SMARCC1: variants seen among roughly 807,000 people sequenced by gnomAD.
SMARCC1 encodes the protein SWI/SNF related BAF chromatin remodeling complex subunit C1.
In SMARCC1, 43 loss-of-function variants were observed where a neutral mutation model predicts 147.4. The observed-to-expected ratio is 0.29, with a 90% CI of 0.23 to 0.38. The LOEUF is 0.38. Among genes scored for constraint, SMARCC1 ranks in the 10% least tolerant of loss-of-function variants. The pLI is 1.00. For synonymous variants in SMARCC1, 495 were observed against 484.4 expected (o/e 1.02, Z -0.29); for missense variants, 1,119 against 1,381.1 (o/e 0.81, Z 3.01).
intron 1 of SMARCC1, among the ~76,000 whole-genome samples, chr3:47,778,959 G>A (rs1296450040): frequency 6.6e-6 from 1 of 152,088 alleles, no homozygotes; most frequent in Non-Finnish European, 1.5e-5. Context: ...CTGCACTCCA[G>A]CCTGGGCAAC....
At chr3:47,638,283 T>C (rs1256525494) in intron 22 of SMARCC1, among the ~76,000 whole-genome samples, 1 of 152,088 alleles carries the variant, frequency 6.6e-6, no homozygotes, top group Non-Finnish European at 1.5e-5. Context: ...TTAGTAGAGA[T>C]GGGGTTTCAC....
At chr3:47,712,169 T>C (rs1023155663) in intron 8 of SMARCC1, among the ~76,000 whole-genome samples, 3 of 152,048 alleles carry the variant, frequency 2.0e-5, no homozygotes, top group Non-Finnish European at 4.4e-5. Context: ...GAGGCGGAGG[T>C]TGCAGTGAGC....
At chr3:47,755,371 C>T (rs1032176926) in intron 2 of SMARCC1, among the ~76,000 whole-genome samples, 17 of 148,880 alleles carry the variant, frequency 1.1e-4, no homozygotes, top group African/African-American at 4.0e-4. Flanking sequence ...ACGGTGGCAG[C>T]CTGTAGTCCG....
intron 21 of SMARCC1, among the ~76,000 whole-genome samples, chr3:47,647,356 A>G (rs1443564422): frequency 6.6e-6 from 1 of 152,192 alleles, no homozygotes; most frequent in Non-Finnish European, 1.5e-5. Context: ...TACGTTAGCA[A>G]GCTTTGTGTT....
intron 2 of SMARCC1, among the ~76,000 whole-genome samples, chr3:47,747,236 C>A (rs969241321): frequency 6.6e-6 from 1 of 151,690 alleles, no homozygotes. Context: ...GAGTTCAAGA[C>A]CAGCCTGGGC....
intron 15 of SMARCC1, among the ~76,000 whole-genome samples, chr3:47,679,197 G>A (rs566727958): frequency 2.0e-5 from 3 of 149,736 alleles, no homozygotes; most frequent in African/African-American, 4.9e-5. Context: ...CCTGCATGAC[G>A]GAATGACTTT....
At chr3:47,777,363 G>GC (rs2034988100) in intron 1 of SMARCC1, among the ~76,000 whole-genome samples, 1 of 151,728 alleles carries the variant, frequency 6.6e-6, no homozygotes, top group Non-Finnish European at 1.5e-5. Flanking sequence ...GATTACAGGC[G>GC]TGAGACACCA....
At chr3:47,755,864 C>A (rs2034691170) in intron 2 of SMARCC1, among the ~76,000 whole-genome samples, 1 of 151,646 alleles carries the variant, frequency 6.6e-6, no homozygotes, top group East Asian at 1.9e-4. Flanking sequence ...GTGGCAGGCA[C>A]CTGTAATCCC....
At chr3:47,650,500 T>A (rs1380424045) in intron 21 of SMARCC1, among the ~76,000 whole-genome samples, 1 of 151,768 alleles carries the variant, frequency 6.6e-6, no homozygotes, top group East Asian at 1.9e-4. Context: ...CTACCTGTAA[T>A]CCTAGCAAAA....
chr3:47,708,200 A>G lies in SMARCC1; in HGVS notation c.919-1670T>C, dbSNP rs1468744293. ...CTGCAACCTCCACTACCCAAATTCA[A>G]GTGATTACGGATCACTGAAGCCTTA... On this transcript the variant is annotated intron_variant, in intron 9 of 27. Coordinates refer to ENST00000254480, the MANE Select transcript of SMARCC1 (RefSeq NM_003074.4). Among the ~76,000 whole-genome samples, 5 of 141,688 alleles carry G rather than the reference A, an allele frequency of 3.5e-5. No individual in the cohort carries two copies. In the East Asian group the frequency reaches 1.1e-3, roughly 31 times the overall value. 93.0% of individuals were successfully genotyped at this position (141,688 alleles called of 152,430 possible).
intron 12 of SMARCC1, among the ~76,000 whole-genome samples, chr3:47,693,019 A>T (rs1356128373): frequency 1.3e-5 from 2 of 152,114 alleles, no homozygotes; most frequent in African/African-American, 4.8e-5. Context: ...GAAGGAGTGT[A>T]TCAAGCTGGG....
Position 47,767,697 on chromosome 3 carries a change from G to A in SMARCC1, c.315+5120C>T, listed in dbSNP as rs935761111. On this transcript the variant is annotated intron_variant, in intron 2 of 27. Coordinates refer to ENST00000254480, the MANE Select transcript of SMARCC1 (RefSeq NM_003074.4). The stretch of plus-strand genomic sequence containing the variant: ...AGCTTGGCCAACATGGAGAAACCCC[G>A]TCTATACTAAAAATACAAAAATTAG... Among the ~76,000 whole-genome samples, 8 of 149,780 alleles carry A rather than the reference G, an allele frequency of 5.3e-5. No individual in the cohort carries two copies. The East Asian group carries it at 6.2e-4, about 12-fold the overall frequency.
intron 12 of SMARCC1, among the ~76,000 whole-genome samples, chr3:47,690,029 G>A (rs1433982884): frequency 1.3e-5 from 2 of 152,096 alleles, no homozygotes; most frequent in East Asian, 3.8e-4. Context: ...TACTGTGACC[G>A]CTGGCACTAG....
At chr3:47,727,741 G>T (rs151084549) in intron 6 of SMARCC1, among the ~76,000 whole-genome samples, 3 of 149,002 alleles carry the variant, frequency 2.0e-5, no homozygotes, top group Non-Finnish European at 4.5e-5. Context: ...TCAGCCTCCC[G>T]AGTAGCTAGG....
chr3:47,715,563 C>T lies in SMARCC1; in HGVS notation c.717-1073G>A, dbSNP rs922471832. On this transcript the variant is annotated intron_variant, in intron 7 of 27. Transcript: ENST00000254480. Reference sequence around the variant, plus strand: ...GTTTTCCTGCTTCTGCCATTGGTCTCTTGGTCTCTCAAAGAGTTAATTTTT... The same window carrying T: ...GTTTTCCTGCTTCTGCCATTGGTCTTTTGGTCTCTCAAAGAGTTAATTTTT... 8.5e-5 allele frequency among the ~76,000 whole-genome samples: 13 copies of T among 152,192 alleles called. No individual in the cohort carries two copies. In the East Asian group the frequency reaches 1.7e-3, roughly 20 times the overall value.
At chr3:47,650,557 T>C (rs1044542358) in intron 21 of SMARCC1, among the ~76,000 whole-genome samples, 2 of 152,046 alleles carry the variant, frequency 1.3e-5, no homozygotes, top group Non-Finnish European at 2.9e-5. Context: ...GGCTCATGAC[T>C]GTAATCCCAG....
chr3:47,727,325 G>A (rs2034311375), intron 6 of SMARCC1, among the ~76,000 whole-genome samples: 1 of 151,798 alleles, frequency 6.6e-6, no homozygotes, highest in South Asian at 2.1e-4. Flanking sequence ...TGGCCAAGAC[G>A]GTGAAACCCC....
At chr3:47,689,240 G>C in intron 13 of SMARCC1, 147 bp downstream of exon 13, 2 of 631,628 alleles carry the variant, frequency 3.2e-6, no homozygotes, top group East Asian at 2.8e-5. Context: ...TTTTCCTTAG[G>C]GGAAAAACTA....
chr3:47,617,337 C>T (rs1000584838), intron 25 of SMARCC1, among the ~76,000 whole-genome samples: 1 of 152,222 alleles, frequency 6.6e-6, no homozygotes, highest in African/African-American at 2.4e-5. Flanking sequence ...TCAAAGCAAA[C>T]ATTACTTTCT....
Sources: allele counts gnomAD v4.1 joint callset (sites outside exome capture counted in the v4.1 genomes callset), GRCh38; gene constraint gnomAD v4.1.1; transcripts MANE v1.5; gene names NCBI Gene and HGNC (gene_info 2026-07-23, HGNC 2026-07-21).